The following FGF14 variants were observed in gnomAD, a reference collection of about 807,000 sequenced individuals.
FGF14 encodes fibroblast growth factor 14, also known as fibroblast growth factor homologous factor 4.
FGF14 carries 5 observed loss-of-function variants against 25.5 expected under a neutral mutation model. The observed-to-expected ratio is 0.20, with a 90% CI of 0.10 to 0.41. FGF14 has a LOEUF of 0.41. Among genes scored for constraint, FGF14 ranks in the 10% least tolerant of loss-of-function variants. The probability of loss-of-function intolerance (pLI) is 1.00; values close to 1 mark genes in which losing one functional copy is unlikely to be tolerated. For synonymous variants in FGF14, 138 were observed against 118.3 expected (o/e 1.17, Z -1.08); for missense variants, 222 against 320.1 (o/e 0.69, Z 2.34).
intron 1 of FGF14, among the ~76,000 whole-genome samples, chr13:102,228,536 A>G (rs1194750385): frequency 6.6e-6 from 1 of 152,166 alleles, no homozygotes; most frequent in African/African-American, 2.4e-5. Flanking sequence ...CCATTCATTC[A>G]TCTATCATAT....
intron 1 of FGF14, among the ~76,000 whole-genome samples, chr13:102,351,446 A>G (rs1403592474): frequency 2.0e-5 from 3 of 152,342 alleles, no homozygotes; most frequent in African/African-American, 7.2e-5. Context: ...TTCAGAGAGT[A>G]TTTAAATTGA....
chr13:102,351,020 G>A (rs558327936), intron 1 of FGF14, among the ~76,000 whole-genome samples: 12 of 152,030 alleles, frequency 7.9e-5, no homozygotes, highest in African/African-American at 2.4e-4. Context: ...GCCAGCACTG[G>A]GTACTCCCTT....
chr13:102,207,090 G>T (rs947532491), intron 1 of FGF14, among the ~76,000 whole-genome samples: 3 of 151,896 alleles, frequency 2.0e-5, no homozygotes, highest in African/African-American at 7.3e-5. Context: ...GACCAGTCTG[G>T]CCAACATGGT....
intron 1 of FGF14, chr13:102,395,395 AT>A (rs1177328827): frequency 1.3e-5 from 2 of 152,172 alleles, no homozygotes; most frequent in Non-Finnish European, 2.9e-5. Flanking sequence ...GAGCTTGTGT[AT>A]TTTGCGAGAG....
At position 101,718,922 on chromosome 13, in the gene FGF14, A is replaced by G. The variant is rs574892744; in HGVS notation, c.*3909T>C. 8.5e-5 allele frequency: 13 copies of G among 152,076 alleles called. No individual in the cohort carries two copies. The highest frequency in any genetic ancestry group is 2.9e-4 in the African/African-American group (12 of 41,538). The allele number at this position is 152,076 out of a possible 1,614,324, so 9.4% of individuals were successfully genotyped here. On this transcript the variant is annotated 3_prime_UTR_variant, in exon 5 of 5. Coordinates refer to ENST00000376143, the MANE Select transcript of FGF14 (RefSeq NM_004115.4). Reference sequence around the variant, plus strand: ...CTAAGAAACCTCAGCTATGACTACTATTTCACTCAAAGTAAGACCATGTAC... The same window carrying G: ...CTAAGAAACCTCAGCTATGACTACTGTTTCACTCAAAGTAAGACCATGTAC...
intron 1 of FGF14, chr13:102,045,903 G>A (rs962642746): frequency 3.3e-5 from 5 of 153,668 alleles, no homozygotes; most frequent in African/African-American, 1.2e-4. Context: ...ACAAGCCTGT[G>A]AGGAATGGCT....
At chr13:101,724,455 T>C (rs1159479242) in intron 4 of FGF14, among the ~76,000 whole-genome samples, 2 of 138,602 alleles carry the variant, frequency 1.4e-5, no homozygotes, top group Non-Finnish European at 3.1e-5. Flanking sequence ...GGTGGGGGGA[T>C]GGGGGAGGGA....
intron 3 of FGF14, among the ~76,000 whole-genome samples, chr13:101,804,076 A>C (rs1459525050): frequency 1.3e-5 from 2 of 151,774 alleles, no homozygotes; most frequent in African/African-American, 4.8e-5. Context: ...AATAAGAAGG[A>C]GCATGGGAAG....
chr13:102,137,553 C>A (rs1215249789), intron 1 of FGF14, among the ~76,000 whole-genome samples: 3 of 152,074 alleles, frequency 2.0e-5, no homozygotes. Flanking sequence ...CTTGGTGCAA[C>A]CCAAGGAACT....
intron 1 of FGF14, among the ~76,000 whole-genome samples, chr13:102,124,649 G>A (rs1179450999): frequency 6.6e-6 from 1 of 152,020 alleles, no homozygotes; most frequent in East Asian, 1.9e-4. Flanking sequence ...GGGCCAGATG[G>A]ATTTTTATCT....
intron 1 of FGF14, among the ~76,000 whole-genome samples, chr13:102,165,220 C>G (rs1462653310): frequency 6.6e-6 from 1 of 152,046 alleles, no homozygotes. Context: ...GTTGGTGGGA[C>G]TGTAAACTAG....
chr13:101,769,222 T>C (rs1419945017), intron 3 of FGF14, among the ~76,000 whole-genome samples: 1 of 152,090 alleles, frequency 6.6e-6, no homozygotes, highest in Non-Finnish European at 1.5e-5. Context: ...ACATTATATG[T>C]CATCAGGGAA....
intron 1 of FGF14, among the ~76,000 whole-genome samples, chr13:101,975,225 T>G (rs2037848123): frequency 6.6e-6 from 1 of 152,036 alleles, no homozygotes; most frequent in Admixed American, 6.6e-5. Flanking sequence ...CATGGTACTC[T>G]TTTCACCTCC....
chr13:101,964,866 G>A (rs114558471), intron 1 of FGF14, among the ~76,000 whole-genome samples: 1,696 of 152,134 alleles, frequency 0.011, 32 homozygotes, highest in African/African-American at 0.038. Flanking sequence ...CAATAGCTAT[G>A]GTTAGCTTTC....
At chr13:102,130,077 C>G (rs2046127909) in intron 1 of FGF14, among the ~76,000 whole-genome samples, 1 of 152,102 alleles carries the variant, frequency 6.6e-6, no homozygotes. Flanking sequence ...GAATAGTAGT[C>G]CATACTAGGA....
chr13:101,757,086 T>C (rs1395206384), intron 3 of FGF14, among the ~76,000 whole-genome samples: 1 of 152,204 alleles, frequency 6.6e-6, no homozygotes, highest in Non-Finnish European at 1.5e-5. Context: ...TTTCTAAATC[T>C]GAACTATAAA....
chr13:101,800,039 C>A (rs1468163589), intron 3 of FGF14, among the ~76,000 whole-genome samples: 31 of 152,118 alleles, frequency 2.0e-4, no homozygotes, highest in Admixed American at 2.0e-3. Context: ...TACTTCTCCA[C>A]AGACACGTCT....
At chr13:102,196,274 T>C (rs568342151) in intron 1 of FGF14, among the ~76,000 whole-genome samples, 55 of 152,230 alleles carry the variant, frequency 3.6e-4, no homozygotes, top group Non-Finnish European at 7.8e-4. Context: ...TGCCCTAGTC[T>C]TGTGGCCTCC....
intron 1 of FGF14, among the ~76,000 whole-genome samples, chr13:102,044,330 C>T (rs2041880627): frequency 6.6e-6 from 1 of 151,802 alleles, no homozygotes; most frequent in South Asian, 2.1e-4. Context: ...TATTGTTTCT[C>T]CCCTAAACTG....
Sources: allele counts gnomAD v4.1 joint callset (sites outside exome capture counted in the v4.1 genomes callset), GRCh38; gene constraint gnomAD v4.1.1; transcripts MANE v1.5; gene names NCBI Gene and HGNC (gene_info 2026-07-23, HGNC 2026-07-21).